The following DPY19L2 variants were observed in gnomAD, a reference collection of about 807,000 sequenced individuals.
DPY19L2 encodes the protein dpy-19 like 2, also known as probable C-mannosyltransferase DPY19L2.
A neutral mutation model predicts 97.9 loss-of-function variants in DPY19L2; 34 were observed. The ratio of observed to expected loss-of-function variants is 0.35; its 90% confidence interval spans 0.26 to 0.46. The LOEUF (loss-of-function observed/expected upper bound fraction) is 0.46, where lower values mean the gene tolerates loss of function less well. Among genes scored for constraint, DPY19L2 ranks in the 20% least tolerant of loss-of-function variants. The probability of loss-of-function intolerance (pLI) is 1.00; values close to 1 mark genes in which losing one functional copy is unlikely to be tolerated. For missense variants in DPY19L2, 623 were observed against 911.4 expected (o/e 0.68, Z 4.07); for synonymous variants, 230 against 307.9 (o/e 0.75, Z 2.65).
intron 13 of DPY19L2, among the ~76,000 whole-genome samples, chr12:63,598,439 AC>A (rs1279857654): frequency 6.6e-6 from 1 of 152,110 alleles, no homozygotes. Context: ...TATACATACG[AC>A]TTTGATCTTT....
intron 16 of DPY19L2, among the ~76,000 whole-genome samples, chr12:63,586,252 A>G (rs1038640373): frequency 6.6e-6 from 1 of 152,298 alleles, no homozygotes; most frequent in Non-Finnish European, 1.5e-5. Flanking sequence ...CAATCTATCA[A>G]TCAAATATGA....
At chr12:63,607,367 T>C (rs1190288256) in intron 12 of DPY19L2, among the ~76,000 whole-genome samples, 1 of 152,206 alleles carries the variant, frequency 6.6e-6, no homozygotes. Context: ...AATGTCGATA[T>C]GTGAATTTCT....
chr12:63,612,312 T>C (rs2936239), intron 11 of DPY19L2, among the ~76,000 whole-genome samples: 2,796 of 151,758 alleles, frequency 0.018, 77 homozygotes, highest in African/African-American at 0.063. Context: ...ACAAGTAAAA[T>C]GCACCGAAAA....
chr12:63,645,410 A>G (rs1333982666), intron 5 of DPY19L2, among the ~76,000 whole-genome samples: 1 of 152,106 alleles, frequency 6.6e-6, no homozygotes, highest in African/African-American at 2.4e-5. Flanking sequence ...CATATTCTCC[A>G]TAAGGAAATT....
At chr12:63,661,622 T>C in intron 3 of DPY19L2, 141 bp from the exon 4 acceptor site, 1 of 641,342 alleles carries the variant, frequency 1.6e-6, no homozygotes, top group Non-Finnish European at 2.4e-6. Flanking sequence ...CTATTTTGCA[T>C]TCTTGGTTTT....
chr12:63,647,586 G>C, intron 4 of DPY19L2, among the ~76,000 whole-genome samples: 1 of 152,078 alleles, frequency 6.6e-6, no homozygotes, highest in Non-Finnish European at 1.5e-5. Flanking sequence ...AAGCTTTATA[G>C]ATTCAATGCT....
intron 8 of DPY19L2, among the ~76,000 whole-genome samples, chr12:63,621,935 A>C (rs995029172): frequency 3.9e-5 from 6 of 152,270 alleles, no homozygotes; most frequent in Middle Eastern, 3.4e-3. Flanking sequence ...AATTACAGTA[A>C]CTTTTAGATA....
intron 16 of DPY19L2, among the ~76,000 whole-genome samples, chr12:63,589,382 A>AAAAAAAAAG (rs1882463712): frequency 7.4e-6 from 1 of 135,586 alleles, no homozygotes; most frequent in Non-Finnish European, 1.6e-5. Flanking sequence ...AAAAAAAAAA[A>AAAAAAAAAG]AAAAAAAAAA....
At chr12:63,662,377 T>C (rs2138314265) in intron 3 of DPY19L2, among the ~76,000 whole-genome samples, 1 of 152,144 alleles carries the variant, frequency 6.6e-6, no homozygotes, top group African/African-American at 2.4e-5. Flanking sequence ...ACCTCATAGT[T>C]GATTGGCAAA....
chr12:63,613,154 G>A (rs1294000951), intron 11 of DPY19L2, among the ~76,000 whole-genome samples: 3 of 152,062 alleles, frequency 2.0e-5, no homozygotes, highest in Non-Finnish European at 1.5e-5. Flanking sequence ...CTCATTTTAT[G>A]AGGCCAGCAT....
At chr12:63,610,791 GA>G (rs1592559880) in intron 11 of DPY19L2, among the ~76,000 whole-genome samples, 1 of 86,338 alleles carries the variant, frequency 1.2e-5, no homozygotes, top group African/African-American at 4.4e-5. Context: ...ACCAAATCCA[GA>G]AAAAGATACT....
chr12:63,666,588 A>C (rs74097431), intron 1 of DPY19L2: 1 of 374,584 alleles, frequency 2.7e-6, no homozygotes, highest in Non-Finnish European at 5.2e-6. Flanking sequence ...AGTGGGTAAT[A>C]GAACAAGTTA....
intron 4 of DPY19L2, among the ~76,000 whole-genome samples, chr12:63,657,663 T>C (rs890318100): frequency 6.6e-6 from 1 of 152,134 alleles, no homozygotes; most frequent in African/African-American, 2.4e-5. Flanking sequence ...CATGGCTTTC[T>C]TTTCCTTAGG....
chr12:63,577,410 G>A (rs1234750313), intron 19 of DPY19L2, among the ~76,000 whole-genome samples: 1 of 152,012 alleles, frequency 6.6e-6, no homozygotes, highest in African/African-American at 2.4e-5. Flanking sequence ...GGGAAGCACA[G>A]GCAACCAAAG....
chr12:63,647,069 AG>A (rs1328912141), intron 5 of DPY19L2, among the ~76,000 whole-genome samples, 175 bp downstream of exon 5: 3 of 152,182 alleles, frequency 2.0e-5, no homozygotes, highest in Non-Finnish European at 4.4e-5. Flanking sequence ...CAAATTTTTA[AG>A]TACACAGCCT....
intron 6 of DPY19L2, among the ~76,000 whole-genome samples, chr12:63,640,189 C>T (rs947280979): frequency 7.9e-5 from 12 of 151,910 alleles, no homozygotes; most frequent in Non-Finnish European, 1.0e-4. Flanking sequence ...CATCACACAC[C>T]GGGGCCTGTC....
At chr12:63,594,482 T>TGTGTGTGTGC (rs1391036033) in intron 15 of DPY19L2, among the ~76,000 whole-genome samples, 1 of 146,574 alleles carries the variant, frequency 6.8e-6, no homozygotes, top group East Asian at 2.0e-4. Flanking sequence ...TGTGTGTGTG[T>TGTGTGTGTGC]GTGTGTGTGT....
chr12:63,596,549 C>T (rs182364211), intron 14 of DPY19L2, among the ~76,000 whole-genome samples: 1 of 152,222 alleles, frequency 6.6e-6, no homozygotes, highest in African/African-American at 2.4e-5. Flanking sequence ...CTAAATTATA[C>T]ATTTCTTAAA....
chr12:63,585,839 A>G (rs762859986), intron 16 of DPY19L2, among the ~76,000 whole-genome samples: 13 of 152,190 alleles, frequency 8.5e-5, no homozygotes, highest in Non-Finnish European at 1.9e-4. Context: ...CAGAAGTTTA[A>G]GAGGATAATG....
Sources: allele counts gnomAD v4.1 joint callset (sites outside exome capture counted in the v4.1 genomes callset), GRCh38; gene constraint gnomAD v4.1.1; transcripts MANE v1.5; gene names NCBI Gene and HGNC (gene_info 2026-07-23, HGNC 2026-07-21).